CACNA1C: variants seen among roughly 807,000 people sequenced by gnomAD.
The protein encoded by CACNA1C is calcium voltage-gated channel subunit alpha1 C.
In CACNA1C, 30 loss-of-function variants were observed where a neutral mutation model predicts 229.0. The observed-to-expected ratio is 0.13, with a 90% confidence interval of 0.10 to 0.18. CACNA1C has a LOEUF of 0.18. Among genes scored for constraint, CACNA1C ranks in the 10% least tolerant of loss-of-function variants. The probability of loss-of-function intolerance (pLI) is 1.00; values close to 1 mark genes in which losing one functional copy is unlikely to be tolerated. For missense variants in CACNA1C, 1,658 were observed against 2,845.0 expected, an observed-to-expected ratio of 0.58 and a Z score of 9.49; for synonymous variants, 1,114 against 1,132.5, an observed-to-expected ratio of 0.98 and a Z score of 0.33.
intron 2 of CACNA1C, among the ~76,000 whole-genome samples, chr12:2,117,614 A>G (rs982408704): frequency 3.3e-5 from 5 of 152,242 alleles, no homozygotes; most frequent in Admixed American, 2.6e-4. Context: ...CCCGAAGTCC[A>G]TGCCCATCCC....
Position 2,029,617 on chromosome 12 carries a change from T to C in CACNA1C, c.139+58416T>C, listed in dbSNP as rs949076741. On this transcript the variant is annotated intron_variant, in intron 1 of 46. Transcript: ENST00000682462. The surrounding 1 kb of genome is among the most constrained non-coding windows in gnomAD (Gnocchi z 4.9). The stretch of plus-strand genomic sequence containing the variant: ...TAAATCAATATTTCATTCCTTTTTA[T>C]GGCTTTTACGTTGCACTTTGGTTAA... Among the ~76,000 whole-genome samples the C allele has an allele frequency of 2.2e-4, 33 of 152,352 alleles. No individual in the cohort carries two copies. The highest frequency in any genetic ancestry group is 7.0e-4 in the African/African-American group (29 of 41,582).
chr12:2,104,176 C>T (rs1006406227), intron 1 of CACNA1C, among the ~76,000 whole-genome samples: 2 of 152,142 alleles, frequency 1.3e-5, no homozygotes, highest in Non-Finnish European at 2.9e-5. Context: ...GCAGTATGGC[C>T]ATTTTGATAT....
chr12:2,503,604 A>C (rs188552974), intron 7 of CACNA1C, among the ~76,000 whole-genome samples: 1 of 152,166 alleles, frequency 6.6e-6, no homozygotes. Flanking sequence ...TACTTCCACC[A>C]TGGTCAGTTT....
chr12:2,161,468 G>A (rs763011127), intron 3 of CACNA1C, among the ~76,000 whole-genome samples: 42 of 152,322 alleles, frequency 2.8e-4, no homozygotes, highest in Non-Finnish European at 4.3e-4. Context: ...GTGCCGGTGT[G>A]GCTGTGCCAG....
At chr12:2,397,306 T>G (rs995878419) in intron 3 of CACNA1C, among the ~76,000 whole-genome samples, 4 of 152,246 alleles carry the variant, frequency 2.6e-5, no homozygotes, top group Admixed American at 2.6e-4. Context: ...TGAATCGAAG[T>G]CCTTGAGTGG....
chr12:2,466,745 C>T (rs925682236), intron 5 of CACNA1C, among the ~76,000 whole-genome samples: 1 of 152,116 alleles, frequency 6.6e-6, no homozygotes, highest in Non-Finnish European at 1.5e-5. Context: ...GCAGGTCTGC[C>T]CTCCCTCTGG....
chr12:2,323,775 A>G (rs2096141105), intron 3 of CACNA1C, among the ~76,000 whole-genome samples: 1 of 152,126 alleles, frequency 6.6e-6, no homozygotes, highest in Non-Finnish European at 1.5e-5. Flanking sequence ...GGGTGGGTCT[A>G]ATGGAGGCTG....
At chr12:1,972,960 T>A (rs1565786663) in intron 1 of CACNA1C, among the ~76,000 whole-genome samples, 1 of 152,198 alleles carries the variant, frequency 6.6e-6, no homozygotes, top group Admixed American at 6.5e-5. Flanking sequence ...CTGGCATCCA[T>A]AGATGGGAAA....
At chr12:2,357,741 C>T (rs1179237297) in intron 3 of CACNA1C, among the ~76,000 whole-genome samples, 2 of 150,518 alleles carry the variant, frequency 1.3e-5, no homozygotes, top group African/African-American at 2.5e-5. Context: ...GAGGCTGAGG[C>T]GGGTGGATCA....
At chr12:2,113,607 C>T (rs1282068942) in intron 1 of CACNA1C, among the ~76,000 whole-genome samples, 3 of 152,294 alleles carry the variant, frequency 2.0e-5, no homozygotes, top group Non-Finnish European at 4.4e-5. Flanking sequence ...CGGCCACAGT[C>T]TCTGGGCAGC....
At chr12:2,268,000 C>A (rs1022459002) in intron 3 of CACNA1C, among the ~76,000 whole-genome samples, 1 of 152,112 alleles carries the variant, frequency 6.6e-6, no homozygotes, top group African/African-American at 2.4e-5. Flanking sequence ...GTGTTTTTCC[C>A]CCTGTTGTCA....
intron 3 of CACNA1C, among the ~76,000 whole-genome samples, chr12:2,212,812 G>A (rs2097966536): frequency 6.6e-6 from 1 of 152,148 alleles, no homozygotes; most frequent in African/African-American, 2.4e-5. Context: ...CCTTCATGGA[G>A]CTTACAGTCT....
intron 3 of CACNA1C, among the ~76,000 whole-genome samples, chr12:2,250,364 G>A (rs1156842641): frequency 2.0e-5 from 3 of 152,232 alleles, no homozygotes; most frequent in Non-Finnish European, 4.4e-5. Flanking sequence ...TGCACGCACA[G>A]CACCGAATCC....
At chr12:2,581,095 G>C (rs1212674854) in intron 13 of CACNA1C, among the ~76,000 whole-genome samples, 2 of 152,098 alleles carry the variant, frequency 1.3e-5, no homozygotes, top group Non-Finnish European at 2.9e-5. Flanking sequence ...TGGCATTCAT[G>C]GTGGGGGAAA....
intron 29 of CACNA1C, among the ~76,000 whole-genome samples, chr12:2,628,173 G>T (rs2088091712): frequency 6.6e-6 from 1 of 152,164 alleles, no homozygotes; most frequent in African/African-American, 2.4e-5. Flanking sequence ...AAGGAGCGAA[G>T]GACTCGGAAT....
intron 3 of CACNA1C, among the ~76,000 whole-genome samples, chr12:2,263,629 G>A (rs1023531725): frequency 1.3e-5 from 2 of 152,044 alleles, no homozygotes; most frequent in Admixed American, 1.3e-4. Context: ...AGGTGGAGGT[G>A]GAGAGAAGTT....
In CACNA1C at chr12:2,344,325, T is replaced by G. The variant is rs2096945115; in HGVS notation, c.478-104651T>G. On this transcript the variant is annotated intron_variant, in intron 3 of 46. Transcript: ENST00000399655. ...AAGAAAGGGCATTCTTTTTGAACAC[T>G]TCCTCCAGGTGTGTGAGCGTTTCAC... is the stretch of plus-strand genomic sequence containing the variant. Among the ~76,000 whole-genome samples, 3 of 152,062 alleles carry G rather than the reference T, an allele frequency of 2.0e-5. No individual in the cohort carries two copies. The South Asian group carries it at 6.3e-4, about 32-fold the overall frequency.
chr12:2,605,566 CT>C lies in CACNA1C; in HGVS notation c.3049-112del. 1 of 761,644 alleles carries C rather than the reference CT, an allele frequency of 1.3e-6. No individual in the cohort carries two copies. Among genetic ancestry groups the C allele is most frequent in the Non-Finnish European group, 2.3e-6 (1 of 429,088 alleles). 47.2% of individuals were successfully genotyped at this position (761,644 alleles called of 1,614,324 possible). Reference sequence around the variant, plus strand: ...TGACTTTGGGAGCGTGGCTTTGCCCCTCTCAGCCCAATTACTCCCCGTTGTG... The same window carrying C: ...TGACTTTGGGAGCGTGGCTTTGCCCCCTCAGCCCAATTACTCCCCGTTGTG... On this transcript the variant is annotated intron_variant, in intron 23 of 46. Coordinates refer to ENST00000399655, the MANE Select transcript of CACNA1C (RefSeq NM_000719.7). This position sits in a 1 kb window ranked among gnomAD's most constrained non-coding sequence, Gnocchi z 6.2.
Position 1,971,255 on chromosome 12 carries a change from C to G in CACNA1C, c.139+54C>G. 2 of 940,134 alleles carry G rather than the reference C, an allele frequency of 2.1e-6. No individual in the cohort carries two copies. Among genetic ancestry groups the G allele is most frequent in the East Asian group, 6.1e-5 (1 of 16,358 alleles). 58.2% of individuals were successfully genotyped at this position (940,134 alleles called of 1,614,324 possible). A position where few individuals can be genotyped will look rare whatever the true frequency, so the allele number is the denominator to read the frequency against. ...TAGGAAGAACATGTTGAAATTTACT[C>G]TAAATATCCTAATGATACCTAGAAT... On this transcript the variant is annotated intron_variant, in intron 1 of 46. Transcript: ENST00000682462. This position sits in a 1 kb window ranked among gnomAD's most constrained non-coding sequence, Gnocchi z 4.2.
Sources: gnomAD v4.1 joint callset for allele counts (sites outside exome capture counted in the v4.1 genomes callset) on GRCh38, gnomAD v4.1.1 for gene constraint, Gnocchi (gnomAD v3.1) non-coding constraint, MANE v1.5 for transcripts, NCBI Gene and HGNC (gene_info 2026-07-23, HGNC 2026-07-21) for gene names.